Variants in PLSCR4 observed in about 807,000 individuals in gnomAD.
PLSCR4 encodes phospholipid scramblase 4.
Under a neutral mutation model 36.3 loss-of-function variants are expected in PLSCR4, and 25 were observed. The ratio of observed to expected loss-of-function variants is 0.69; its 90% CI spans 0.50 to 0.96. The LOEUF (loss-of-function observed/expected upper bound fraction) is 0.96. Ranked by LOEUF, PLSCR4 falls within the 40% of genes least tolerant of loss-of-function variation. The probability of loss-of-function intolerance (pLI) is 0.00; values close to 1 mark genes in which losing one functional copy is unlikely to be tolerated. For missense variants in PLSCR4, 408 were observed against 414.7 expected, an observed-to-expected ratio of 0.98 and a Z score of 0.14; for synonymous variants, 122 against 132.9, an observed-to-expected ratio of 0.92 and a Z score of 0.56.
chr3:146,246,223 T>C (rs1169460957), intron 1 of PLSCR4, among the ~76,000 whole-genome samples: 1 of 152,240 alleles, frequency 6.6e-6, no homozygotes, highest in East Asian at 1.9e-4. Context: ...TAATTGTATC[T>C]TTGCATAAAA....
chr3:146,221,364 TAAAC>T (rs531110533), intron 2 of PLSCR4, among the ~76,000 whole-genome samples: 8 of 152,300 alleles, frequency 5.3e-5, no homozygotes, highest in Admixed American at 2.6e-4. Flanking sequence ...CATAACACCA[TAAAC>T]AAATAATGGT....
intron 3 of PLSCR4, among the ~76,000 whole-genome samples, chr3:146,217,778 T>C (rs997400988): frequency 6.6e-5 from 10 of 152,144 alleles, no homozygotes; most frequent in African/African-American, 2.2e-4. Flanking sequence ...CTGGTGATCA[T>C]TGAGTTTGAG....
intron 1 of PLSCR4, among the ~76,000 whole-genome samples, chr3:146,240,764 T>G (rs982737342): frequency 6.6e-6 from 1 of 152,202 alleles, no homozygotes; most frequent in Non-Finnish European, 1.5e-5. Context: ...AAAATCAGTC[T>G]GGCAGTTCCT....
chr3:146,216,488 C>G (rs904749033), intron 3 of PLSCR4, among the ~76,000 whole-genome samples: 1 of 151,990 alleles, frequency 6.6e-6, no homozygotes, highest in East Asian at 1.9e-4. Flanking sequence ...CATCATATTC[C>G]AGCCCTTACT....
At chr3:146,198,983 A>G (rs1227650102) in intron 6 of PLSCR4, among the ~76,000 whole-genome samples, 4 of 152,148 alleles carry the variant, frequency 2.6e-5, no homozygotes, top group Non-Finnish European at 5.9e-5. Context: ...AATCCCTAAA[A>G]TGATCATCCT....
chr3:146,237,397 G>T (rs542663270), intron 1 of PLSCR4, among the ~76,000 whole-genome samples: 86 of 152,186 alleles, frequency 5.7e-4, no homozygotes, highest in Non-Finnish European at 7.7e-4. Flanking sequence ...AATTATCTAT[G>T]TAACACTGTA....
At chr3:146,242,995 C>T (rs1050235124) in intron 1 of PLSCR4, among the ~76,000 whole-genome samples, 1 of 152,146 alleles carries the variant, frequency 6.6e-6, no homozygotes, top group African/African-American at 2.4e-5. Context: ...CCCCCAAAGG[C>T]TTTAATCCCA....
intron 1 of PLSCR4, chr3:146,250,511 T>A (rs571463911): frequency 2.6e-5 from 4 of 152,226 alleles, no homozygotes; most frequent in African/African-American, 9.6e-5. Context: ...TGTCACCGCC[T>A]CCACTCGCTG....
intron 3 of PLSCR4, 56 bp downstream of exon 3, chr3:146,220,759 A>G (rs534692142): frequency 9.2e-7 from 1 of 1,083,492 alleles, no homozygotes; most frequent in South Asian, 1.4e-5. Flanking sequence ...AAGCAATTTT[A>G]ATCATTAGTA....
At chr3:146,228,598 C>T (rs898282290) in intron 1 of PLSCR4, among the ~76,000 whole-genome samples, 4 of 152,074 alleles carry the variant, frequency 2.6e-5, no homozygotes, top group Non-Finnish European at 4.4e-5. Flanking sequence ...AGTGACAATA[C>T]TTATATTATT....
rs548289969 is a variant in PLSCR4 at position 146,216,851 on chromosome 3, T to C, written c.118+3964A>G. On this transcript the variant is annotated intron_variant, in intron 3 of 8. Coordinates refer to ENST00000354952, the MANE Select transcript of PLSCR4 (RefSeq NM_020353.3). ...ACCCTTTCACCTCCATGGGACATCA[T>C]GGGACAATGCAGTGGTCTGGGGTCA... Among the ~76,000 whole-genome samples, 5 of 152,250 alleles carry C rather than the reference T, an allele frequency of 3.3e-5. 1 individual carries two copies. Among genetic ancestry groups the C allele is most frequent in the South Asian group, 4.1e-4 (2 of 4,824 alleles).
intron 1 of PLSCR4, among the ~76,000 whole-genome samples, chr3:146,231,029 C>T (rs539974468): frequency 1.3e-5 from 2 of 152,036 alleles, no homozygotes; most frequent in East Asian, 3.9e-4. Context: ...CACCTTCTGC[C>T]CTCCAGAAGG....
At chr3:146,201,848 T>C (rs911601248) in intron 4 of PLSCR4, among the ~76,000 whole-genome samples, 1 of 152,076 alleles carries the variant, frequency 6.6e-6, no homozygotes, top group Admixed American at 6.6e-5. Context: ...TGTGAGAACA[T>C]TCTAGCAGAA....
chr3:146,244,756 T>G (rs1203384765), intron 1 of PLSCR4, among the ~76,000 whole-genome samples: 1 of 152,056 alleles, frequency 6.6e-6, no homozygotes, highest in Non-Finnish European at 1.5e-5. Flanking sequence ...CAAATGCCTC[T>G]AAATATTCAA....
intron 1 of PLSCR4, among the ~76,000 whole-genome samples, chr3:146,243,594 A>G (rs1235403276): frequency 6.6e-6 from 1 of 152,206 alleles, no homozygotes; most frequent in Non-Finnish European, 1.5e-5. Flanking sequence ...AAAGATGATG[A>G]GGACACTGTT....
chr3:146,197,890 A>C (rs1043424289), intron 6 of PLSCR4, among the ~76,000 whole-genome samples: 3 of 152,192 alleles, frequency 2.0e-5, no homozygotes, highest in African/African-American at 7.2e-5. Context: ...ACAAATATAT[A>C]AATTTGAGAG....
intron 1 of PLSCR4, among the ~76,000 whole-genome samples, chr3:146,241,921 A>G (rs543577767): frequency 6.6e-6 from 1 of 152,338 alleles, no homozygotes; most frequent in East Asian, 1.9e-4. Flanking sequence ...TCTAAATCAT[A>G]ACCTGATAAA....
intron 7 of PLSCR4, 50 bp downstream of exon 7, chr3:146,196,582 T>C (rs1454869279): frequency 1.9e-6 from 3 of 1,564,614 alleles, no homozygotes; most frequent in Non-Finnish European, 2.6e-6. Flanking sequence ...CCATGGTCTG[T>C]TAATATGAGT....
chr3:146,201,119 G>GAACT (rs1312649720), intron 4 of PLSCR4, 42 bp from the exon 5 acceptor site: 1 of 1,210,068 alleles, frequency 8.3e-7, no homozygotes, highest in African/African-American at 1.6e-5. Flanking sequence ...AGAAATAACA[G>GAACT]AACTAAAATA....
Sources: allele counts gnomAD v4.1 joint callset (sites outside exome capture counted in the v4.1 genomes callset), GRCh38; gene constraint gnomAD v4.1.1; transcripts MANE v1.5; gene names NCBI Gene and HGNC (gene_info 2026-07-23, HGNC 2026-07-21).